EPB41L3: variants seen among roughly 807,000 people sequenced by gnomAD.
The protein encoded by EPB41L3 is band 4.1-like protein 3.
A neutral mutation model predicts 127.1 loss-of-function variants in EPB41L3; 57 were observed. The observed-to-expected ratio is 0.45, with a 90% CI of 0.36 to 0.56. EPB41L3 has a LOEUF of 0.56. EPB41L3 is among the 20% of genes least tolerant of loss of function. EPB41L3 has a pLI of 0.00. For missense variants in EPB41L3, 1,273 were observed against 1,372.2 expected (o/e 0.93, Z 1.14); for synonymous variants, 572 against 549.5 (o/e 1.04, Z -0.57).
At chr18:5,436,656 C>T (rs2079882966) in intron 6 of EPB41L3, among the ~76,000 whole-genome samples, 1 of 152,058 alleles carries the variant, frequency 6.6e-6, no homozygotes, top group South Asian at 2.1e-4. Flanking sequence ...GATCCACCTG[C>T]CTCGGCCTCC....
Position 5,428,344 on chromosome 18 carries a change from T to C in EPB41L3, c.1034A>G (p.Asn345Ser), listed in dbSNP as rs765649112. ...PKVLKISYKR[N>S]NFYIKIRPGE... ...CGGCCGGATCTTAATGTAAAAGTTG[T>C]TCCGTTTGTATGAAATCTTTAGAAC... is the stretch of plus-strand genomic sequence containing the variant. The change falls in exon 9 of 23, where the codon AAC becomes AGC. Residue 345 changes from asparagine (N) to serine (S), a missense_variant. Coordinates refer to ENST00000341928, the MANE Select transcript of EPB41L3 (RefSeq NM_012307.5). The C allele has an allele frequency of 1.9e-6, 3 of 1,614,220 alleles. No individual in the cohort carries two copies. Among genetic ancestry groups the C allele is most frequent in the East Asian group, 2.2e-5 (1 of 44,878 alleles).
chr18:5,470,920 A>G (rs2086021710), intron 3 of EPB41L3, among the ~76,000 whole-genome samples: 1 of 152,314 alleles, frequency 6.6e-6, no homozygotes, highest in African/African-American at 2.4e-5. Flanking sequence ...ACCATGCTGG[A>G]AAGACTCTTT....
chr18:5,483,339 A>G (rs1312971289), intron 2 of EPB41L3, among the ~76,000 whole-genome samples: 1 of 152,154 alleles, frequency 6.6e-6, no homozygotes, highest in South Asian at 2.1e-4. Context: ...ACAAAAACCT[A>G]TAATAGATCC....
At chr18:5,552,991 G>C (rs959128857) in intron 3 of EPB41L3, among the ~76,000 whole-genome samples, 2 of 152,190 alleles carry the variant, frequency 1.3e-5, no homozygotes, top group Non-Finnish European at 2.9e-5. Flanking sequence ...TTTCAGAGCA[G>C]TAACTTTAGA....
intron 1 of EPB41L3, among the ~76,000 whole-genome samples, chr18:5,509,186 G>A (rs878864798): frequency 3.9e-5 from 6 of 152,224 alleles, no homozygotes; most frequent in East Asian, 1.9e-4. Flanking sequence ...TCTGAGAAGA[G>A]AAAATAAACC....
chr18:5,554,592 C>A (rs1176055462), intron 3 of EPB41L3, among the ~76,000 whole-genome samples: 1 of 152,148 alleles, frequency 6.6e-6, no homozygotes, highest in Non-Finnish European at 1.5e-5. Flanking sequence ...TAAGGAAAAC[C>A]CCATTCCTTA....
intron 3 of EPB41L3, among the ~76,000 whole-genome samples, chr18:5,558,473 T>C (rs1313529469): frequency 1.3e-5 from 2 of 152,168 alleles, no homozygotes; most frequent in Admixed American, 6.5e-5. Flanking sequence ...GATAGGGACA[T>C]TGGTATCCAG....
At chr18:5,621,475 A>G (rs1300792752) in intron 1 of EPB41L3, among the ~76,000 whole-genome samples, 1 of 152,240 alleles carries the variant, frequency 6.6e-6, no homozygotes, top group Non-Finnish European at 1.5e-5. Flanking sequence ...AAGCAGGTTC[A>G]TGCCTGTAAA....
At chr18:5,561,106 T>G (rs1008459848) in intron 3 of EPB41L3, among the ~76,000 whole-genome samples, 2 of 148,462 alleles carry the variant, frequency 1.3e-5, no homozygotes, top group Non-Finnish European at 3.0e-5. Flanking sequence ...GCCTCCCGAG[T>G]AGCTGGGACT....
intron 3 of EPB41L3, among the ~76,000 whole-genome samples, chr18:5,580,791 C>T (rs1286431318): frequency 2.0e-5 from 3 of 152,334 alleles, no homozygotes; most frequent in Non-Finnish European, 4.4e-5. Context: ...CGTCTCCCTC[C>T]AGCACATATC....
chr18:5,572,624 A>C (rs1031468162), intron 3 of EPB41L3, among the ~76,000 whole-genome samples: 6 of 152,086 alleles, frequency 3.9e-5, no homozygotes, highest in Non-Finnish European at 7.4e-5. Context: ...CCCAGGCTGC[A>C]GTGCAATGGT....
chr18:5,526,078 C>G (rs1018821246), intron 1 of EPB41L3, among the ~76,000 whole-genome samples: 3 of 152,088 alleles, frequency 2.0e-5, no homozygotes, highest in African/African-American at 7.2e-5. Flanking sequence ...AAACAATTAT[C>G]TATGTCATTA....
Position 5,600,804 on chromosome 18 carries a change from C to T in EPB41L3, c.-306+11536G>A, listed in dbSNP as rs567266414. On this transcript the variant is annotated intron_variant, in intron 3 of 21. Coordinates refer to the EPB41L3 transcript ENST00000545076. The stretch of plus-strand genomic sequence containing the variant: ...CAGAGAAGAAGTAGTTACCAAGCTG[C>T]CGCTGCAGAGTCAAGAGCTAGAAGG... Among the ~76,000 whole-genome samples, 4 of 152,286 alleles carry T rather than the reference C, an allele frequency of 2.6e-5. No homozygotes were observed. The South Asian group carries it at 6.2e-4, about 24-fold the overall frequency.
At chr18:5,568,338 A>G (rs551368096) in intron 3 of EPB41L3, among the ~76,000 whole-genome samples, 73 of 151,158 alleles carry the variant, frequency 4.8e-4, no homozygotes, top group Non-Finnish European at 8.7e-4. Context: ...AGTGAAGACC[A>G]TTAGTCCTCA....
At chr18:5,608,175 G>A (rs550833146) in intron 3 of EPB41L3, among the ~76,000 whole-genome samples, 9 of 152,204 alleles carry the variant, frequency 5.9e-5, no homozygotes, top group African/African-American at 1.2e-4. Flanking sequence ...CAAAGCAATC[G>A]GGATGGTGGT....
intron 1 of EPB41L3, among the ~76,000 whole-genome samples, chr18:5,505,479 C>A (rs978810155): frequency 4.6e-5 from 7 of 151,890 alleles, no homozygotes; most frequent in African/African-American, 1.7e-4. Context: ...CCTACATCTC[C>A]TCCTCTGCCC....
chr18:5,432,618 A>G (rs955608627), intron 8 of EPB41L3, among the ~76,000 whole-genome samples: 1 of 152,192 alleles, frequency 6.6e-6, no homozygotes, highest in African/African-American at 2.4e-5. Context: ...GCTGTTTAAA[A>G]AGACTAGTAG....
At chr18:5,565,710 C>T (rs1303294149) in intron 3 of EPB41L3, among the ~76,000 whole-genome samples, 1 of 143,464 alleles carries the variant, frequency 7.0e-6, no homozygotes, top group South Asian at 2.2e-4. Context: ...TGAGTGAGAA[C>T]ATGCAGTGTT....
chr18:5,465,868 T>C (rs1461013988), intron 3 of EPB41L3, among the ~76,000 whole-genome samples: 10 of 152,096 alleles, frequency 6.6e-5, no homozygotes, highest in South Asian at 4.1e-4. Flanking sequence ...GAAATTCCTG[T>C]AGATATTCAG....
Sources: allele counts gnomAD v4.1 joint callset (sites outside exome capture counted in the v4.1 genomes callset), GRCh38; gene constraint gnomAD v4.1.1; transcripts MANE v1.5; gene names NCBI Gene and HGNC (gene_info 2026-07-23, HGNC 2026-07-21).